The following CD38 variants were observed in gnomAD, a reference collection of about 807,000 sequenced individuals.
CD38 encodes the protein CD38 molecule.
Under a neutral mutation model 36.3 loss-of-function variants are expected in CD38, and 31 were observed. The observed-to-expected ratio is 0.85, with a 90% confidence interval of 0.64 to 1.15. CD38 has a LOEUF of 1.15. CD38 is among the 50% of genes most tolerant of loss of function. The probability of loss-of-function intolerance (pLI) is 0.00; values close to 1 mark genes in which losing one functional copy is unlikely to be tolerated. For synonymous variants in CD38, 131 were observed against 135.2 expected (o/e 0.97, Z 0.22); for missense variants, 380 against 371.9 (o/e 1.02, Z -0.18).
At chr4:15,840,386 A>T in intron 6 of CD38, 66 bp from the exon 7 acceptor site, 1 of 1,121,708 alleles carries the variant, frequency 8.9e-7, no homozygotes, top group Non-Finnish European at 1.3e-6. Context: ...GTGCTACAAA[A>T]ACAAAGAGAC....
intron 7 of CD38, among the ~76,000 whole-genome samples, chr4:15,841,649 C>A (rs569006448): frequency 6.7e-6 from 1 of 149,604 alleles, no homozygotes; most frequent in Non-Finnish European, 1.5e-5. Flanking sequence ...TCTGAGGTAC[C>A]GGGTTCATCT....
chr4:15,818,763 A>G, intron 2 of CD38, among the ~76,000 whole-genome samples: 1 of 152,208 alleles, frequency 6.6e-6, no homozygotes, highest in East Asian at 1.9e-4. Context: ...ACACTGCAGC[A>G]GCCCTATGGA....
chr4:15,851,909 A>C lies in CD38; in HGVS notation c.*3307A>C, dbSNP rs1442960475. 2 of 152,222 alleles carry C rather than the reference A, an allele frequency of 1.3e-5. No homozygotes were observed. Among genetic ancestry groups the C allele is most frequent in the African/African-American group, 4.8e-5 (2 of 41,446 alleles). The allele number at this position is 152,222 out of a possible 1,614,324, so 9.4% of individuals were successfully genotyped here. A position where few individuals can be genotyped will look rare whatever the true frequency, so the allele number is the denominator to read the frequency against. On this transcript the variant is annotated 3_prime_UTR_variant, in exon 8 of 8. Coordinates refer to ENST00000226279, the MANE Select transcript of CD38 (RefSeq NM_001775.4). ...GCCTGTACAGCGTGTGTCTGTACTAAATGCTGTGGGCAATTTTAACCTGAT... is the reference window on the plus strand; with the variant it reads ...GCCTGTACAGCGTGTGTCTGTACTACATGCTGTGGGCAATTTTAACCTGAT...
At chr4:15,787,098 C>T (rs1393454775) in intron 1 of CD38, among the ~76,000 whole-genome samples, 1 of 152,240 alleles carries the variant, frequency 6.6e-6, no homozygotes, top group East Asian at 1.9e-4. Context: ...CTCTACACCT[C>T]CGCTCAAGCA....
At chr4:15,809,710 C>T (rs1455462976) in intron 1 of CD38, among the ~76,000 whole-genome samples, 3 of 152,192 alleles carry the variant, frequency 2.0e-5, no homozygotes, top group Admixed American at 2.0e-4. Context: ...GTGACACTGT[C>T]TCCCTGTCCC....
intron 1 of CD38, among the ~76,000 whole-genome samples, chr4:15,813,162 A>G (rs1723508083): frequency 6.6e-6 from 1 of 152,208 alleles, no homozygotes; most frequent in Admixed American, 6.5e-5. Flanking sequence ...AATGTTGAAT[A>G]TAAGTAATGA....
rs111339850 is a variant in CD38, at chr4:15,812,840, A to G, written c.234-3671A>G. 2.1e-4 allele frequency among the ~76,000 whole-genome samples: 32 copies of G among 152,062 alleles called. 1 individual carries two copies. Among genetic ancestry groups the G allele is most frequent in the Admixed American group, 1.3e-4 (2 of 15,266 alleles). On this transcript the variant is annotated intron_variant, in intron 1 of 7. Coordinates refer to ENST00000226279, the MANE Select transcript of CD38 (RefSeq NM_001775.4). Reference sequence around the variant, plus strand: ...AGTCCTGTAATTCTTTGTTATATTTACTCCTAAGAATATTAATTGTTTTGC... The same window carrying G: ...AGTCCTGTAATTCTTTGTTATATTTGCTCCTAAGAATATTAATTGTTTTGC...
Position 15,801,959 on chromosome 4 carries a change from C to T in CD38, c.234-14552C>T, listed in dbSNP as rs111588037. On this transcript the variant is annotated intron_variant, in intron 1 of 7. Transcript: ENST00000226279. ...AGTTCTAGCCAGAGCAATTAGGCAA[C>T]AGAAAGAAATAAAAGACATCCAAAT... is the stretch of plus-strand genomic sequence containing the variant. Among the ~76,000 whole-genome samples the T allele has an allele frequency of 4.6e-3, 707 of 152,080 alleles. 3 individuals carry two copies. The highest frequency in any genetic ancestry group is 7.8e-3 in the Non-Finnish European group (528 of 67,948).
At chr4:15,822,706 A>T (rs567896588) in intron 2 of CD38, among the ~76,000 whole-genome samples, 1 of 152,324 alleles carries the variant, frequency 6.6e-6, no homozygotes, top group African/African-American at 2.4e-5. Context: ...ATAGAAAAAC[A>T]TTCCTTCCTC....
chr4:15,779,566 C>T (rs139008897), intron 1 of CD38, among the ~76,000 whole-genome samples: 3 of 152,288 alleles, frequency 2.0e-5, no homozygotes, highest in Admixed American at 1.3e-4. Flanking sequence ...CGCATTTAAG[C>T]AATCCGAGGA....
At chr4:15,837,902 A>G (rs1724104392) in intron 4 of CD38, among the ~76,000 whole-genome samples, 190 bp from the exon 5 acceptor site, 1 of 152,352 alleles carries the variant, frequency 6.6e-6, no homozygotes, top group Middle Eastern at 3.4e-3. Context: ...AACTGCTTCA[A>G]GAACTCTGAT....
chr4:15,841,186 G>A (rs1724197731), intron 7 of CD38, among the ~76,000 whole-genome samples: 1 of 152,178 alleles, frequency 6.6e-6, no homozygotes. Context: ...AAGCAGTTGT[G>A]ACCAATGGTG....
chr4:15,810,723 G>C (rs1723449737), intron 1 of CD38, among the ~76,000 whole-genome samples: 1 of 152,216 alleles, frequency 6.6e-6, no homozygotes, highest in Non-Finnish European at 1.5e-5. Context: ...ATGGTGCACA[G>C]ATATTGGAAA....
At chr4:15,835,601 C>T (rs1408263135) in intron 4 of CD38, among the ~76,000 whole-genome samples, 4 of 151,952 alleles carry the variant, frequency 2.6e-5, no homozygotes, top group Non-Finnish European at 5.9e-5. Context: ...TGGTCTCAAA[C>T]TCCTGACCTC....
At chr4:15,816,299 C>T (rs71601499) in intron 1 of CD38, among the ~76,000 whole-genome samples, 21,298 of 152,008 alleles carry the variant, frequency 0.14, 1,700 homozygotes, top group South Asian at 0.22. Context: ...ATGGAGGAGT[C>T]CCTCTTTTTC....
At chr4:15,822,341 G>A (rs13136498) in intron 2 of CD38, among the ~76,000 whole-genome samples, 24,325 of 151,994 alleles carry the variant, frequency 0.16, 2,025 homozygotes, top group South Asian at 0.24. Flanking sequence ...TGTTCTGACC[G>A]GGACAATCAG....
At chr4:15,786,007 G>GGAGTTGTTCC (rs1722814528) in intron 1 of CD38, among the ~76,000 whole-genome samples, 3 of 150,992 alleles carry the variant, frequency 2.0e-5, no homozygotes, top group Non-Finnish European at 4.4e-5. Context: ...GGAGTTGTTC[G>GGAGTTGTTCC]TTCCTCCCAT....
rs116684204 is a variant in CD38 at position 15,787,508 on chromosome 4, C to T, written c.233+8861C>T. On this transcript the variant is annotated intron_variant, in intron 1 of 7. Transcript: ENST00000226279. ...TACTTGCAGGGACAGGGTGTCTGCT[C>T]ATTTTTCTGTAGACCTCAAAGGTGA... is the stretch of plus-strand genomic sequence containing the variant. Among the ~76,000 whole-genome samples, 394 of 152,324 alleles carry T rather than the reference C, an allele frequency of 2.6e-3. 2 individuals carry two copies. Among genetic ancestry groups the T allele is most frequent in the African/African-American group, 8.8e-3 (366 of 41,590 alleles).
rs11724146 is a variant in CD38 at position 15,835,072 on chromosome 4, C to G, written c.585+770C>G. Among the ~76,000 whole-genome samples the G allele has an allele frequency of 4.5e-3, 680 of 152,214 alleles. 2 individuals carry two copies. Among genetic ancestry groups the G allele is most frequent in the Middle Eastern group, 0.014 (4 of 294 alleles). ...ATATCCCCCTTCTGGCTAGCTGAAA[C>G]TACATATTATTAACTGTAGTCCTCC... is the stretch of plus-strand genomic sequence containing the variant. On this transcript the variant is annotated intron_variant, in intron 4 of 7. Coordinates refer to ENST00000226279, the MANE Select transcript of CD38 (RefSeq NM_001775.4).
Sources: allele counts gnomAD v4.1 joint callset (sites outside exome capture counted in the v4.1 genomes callset), GRCh38; gene constraint gnomAD v4.1.1; transcripts MANE v1.5; gene names NCBI Gene and HGNC (gene_info 2026-07-23, HGNC 2026-07-21).